The following PSPC1 variants were observed in gnomAD, a reference collection of about 807,000 sequenced individuals.
The protein encoded by PSPC1 is paraspeckle component 1.
Under a neutral mutation model 51.6 loss-of-function variants are expected in PSPC1, and 14 were observed. That is an observed-to-expected ratio of 0.27 (90% CI 0.18 to 0.42). The LOEUF is 0.42. Ranked by LOEUF, PSPC1 falls within the 10% of genes least tolerant of loss-of-function variation. PSPC1 has a pLI of 1.00. For synonymous variants in PSPC1, 193 were observed against 231.9 expected (o/e 0.83, Z 1.53); for missense variants, 406 against 701.1 (o/e 0.58, Z 4.75).
At chr13:19,710,973 G>T (rs1032382729) in intron 6 of PSPC1, among the ~76,000 whole-genome samples, 1 of 151,950 alleles carries the variant, frequency 6.6e-6, no homozygotes, top group Admixed American at 6.6e-5. Flanking sequence ...GAATAGATGG[G>T]ATGACAAGCA....
At chr13:19,761,269 T>C (rs1441339177) in intron 2 of PSPC1, among the ~76,000 whole-genome samples, 1 of 152,084 alleles carries the variant, frequency 6.6e-6, no homozygotes, top group Non-Finnish European at 1.5e-5. Flanking sequence ...ATGAAAGATA[T>C]GACTAGAGGC....
At chr13:19,699,558 T>C (rs926457331), downstream of PSPC1, among the ~76,000 whole-genome samples, 2 of 152,002 alleles carry the variant, frequency 1.3e-5, no homozygotes, top group African/African-American at 4.8e-5. Context: ...GAATGAAATG[T>C]TTCCATGCTG....
At chr13:19,719,822 T>C (rs1025062340) in intron 6 of PSPC1, among the ~76,000 whole-genome samples, 5 of 148,916 alleles carry the variant, frequency 3.4e-5, no homozygotes, top group Non-Finnish European at 7.5e-5. Flanking sequence ...GTATTTTACA[T>C]AAATTAATTG....
chr13:19,741,509 G>T, intron 5 of PSPC1, 56 bp downstream of exon 5: 1 of 1,246,166 alleles, frequency 8.0e-7, no homozygotes, highest in Non-Finnish European at 1.1e-6. Context: ...CAGGTTGTGG[G>T]GAGTTTTTAT....
In PSPC1 at chr13:19,715,356, T is replaced by C. The variant is rs115560950; in HGVS notation, c.1159-5757A>G. On this transcript the variant is annotated intron_variant, in intron 6 of 8. Coordinates refer to ENST00000338910, the MANE Select transcript of PSPC1 (RefSeq NM_001354909.2). ...CTAACAAATATTTTCCAAAGTGGCA[T>C]GGTAAACATGCCACTACTGGCACAT... Among the ~76,000 whole-genome samples, 1,374 of 152,290 alleles carry C rather than the reference T, an allele frequency of 9.0e-3. 27 individuals carry two copies. Among genetic ancestry groups the C allele is most frequent in the African/African-American group, 0.031 (1,272 of 41,552 alleles).
chr13:19,754,238 C>T (rs1886850507), intron 3 of PSPC1, among the ~76,000 whole-genome samples: 2 of 152,092 alleles, frequency 1.3e-5, no homozygotes, highest in African/African-American at 4.8e-5. Flanking sequence ...GCTCCTGCCA[C>T]CACACCCAGC....
chr13:19,676,342 G>A (rs1426730361), intron 7 of PSPC1, among the ~76,000 whole-genome samples: 1 of 152,182 alleles, frequency 6.6e-6, no homozygotes, highest in Non-Finnish European at 1.5e-5. Flanking sequence ...GCTTGAGAAT[G>A]TGCATTCTGA....
At chr13:19,757,953 G>A (rs571881358) in intron 3 of PSPC1, among the ~76,000 whole-genome samples, 7 of 152,180 alleles carry the variant, frequency 4.6e-5, no homozygotes, top group South Asian at 2.1e-4. Context: ...GCTATTCTAG[G>A]ACTTTTATTT....
At position 19,710,947 on chromosome 13, in the gene PSPC1, C is replaced by T. The variant is rs182696413; in HGVS notation, c.1159-1348G>A. Among the ~76,000 whole-genome samples the T allele has an allele frequency of 9.7e-4, 147 of 152,156 alleles. 3 individuals are homozygous for T. The East Asian group carries it at 0.025, about 26-fold the overall frequency. ...CGAACTCCTGGGCTCAAGTGATCCT[C>T]CTGCCTCAGCTTCCCGAATAGATGG... is the stretch of plus-strand genomic sequence containing the variant. On this transcript the variant is annotated intron_variant, in intron 6 of 8. Coordinates refer to ENST00000338910, the MANE Select transcript of PSPC1 (RefSeq NM_001354909.2).
intron 6 of PSPC1, among the ~76,000 whole-genome samples, chr13:19,725,680 T>C: frequency 6.6e-6 from 1 of 152,196 alleles, no homozygotes; most frequent in East Asian, 1.9e-4. Flanking sequence ...TGGTCTGTTC[T>C]AGTCTGTCAA....
Position 19,781,114 on chromosome 13 carries a change from C to T in PSPC1, c.372+1272G>A, listed in dbSNP as rs137883241. Among the ~76,000 whole-genome samples, 633 of 148,666 alleles carry T rather than the reference C, an allele frequency of 4.3e-3. 5 individuals are homozygous for T. Among genetic ancestry groups the T allele is most frequent in the African/African-American group, 0.015 (617 of 40,068 alleles). Reference sequence around the variant, plus strand: ...GGAACTGAGATCGCGCCACTGCACTCTAGCCTGGGTGATAGAGCGAGACCC... The same window carrying T: ...GGAACTGAGATCGCGCCACTGCACTTTAGCCTGGGTGATAGAGCGAGACCC... On this transcript the variant is annotated intron_variant, in intron 1 of 8. Transcript: ENST00000338910.
At chr13:19,739,730 C>T (rs985556195) in intron 5 of PSPC1, among the ~76,000 whole-genome samples, 4 of 151,246 alleles carry the variant, frequency 2.6e-5, no homozygotes, top group East Asian at 1.9e-4. Context: ...GCAGCAAGAG[C>T]GAAACTCCGT....
chr13:19,778,208 C>T (rs893698215), intron 1 of PSPC1, among the ~76,000 whole-genome samples: 7 of 151,472 alleles, frequency 4.6e-5, no homozygotes, highest in African/African-American at 1.5e-4. Context: ...CGCCACTGCA[C>T]TCCAACGTGG....
At chr13:19,717,705 CAAAAA>C (rs780984201) in intron 6 of PSPC1, among the ~76,000 whole-genome samples, 2 of 72,260 alleles carry the variant, frequency 2.8e-5, no homozygotes, top group African/African-American at 5.1e-5. Flanking sequence ...GACTCTGTCT[CAAAAA>C]AAAAAAAAAA....
downstream of PSPC1, among the ~76,000 whole-genome samples, chr13:19,699,182 T>C (rs940375482): frequency 2.6e-5 from 4 of 151,900 alleles, no homozygotes; most frequent in Non-Finnish European, 5.9e-5. Context: ...TAGAAGACAC[T>C]ACTTTTGATA....
intron 4 of PSPC1, among the ~76,000 whole-genome samples, chr13:19,742,260 C>CAAAAA (rs36104148): frequency 1.7e-5 from 2 of 119,158 alleles, no homozygotes; most frequent in African/African-American, 3.5e-5. Context: ...GACTCAATCT[C>CAAAAA]AAAAAAAAAA....
downstream of PSPC1, chr13:19,671,912 C>T (rs766090704): frequency 2.5e-5 from 40 of 1,600,060 alleles, no homozygotes; most frequent in Middle Eastern, 1.6e-4. Flanking sequence ...CTCTTCAGAC[C>T]GATTCCTATA....
At chr13:19,714,556 C>T (rs1372964197) in intron 6 of PSPC1, among the ~76,000 whole-genome samples, 9 of 149,026 alleles carry the variant, frequency 6.0e-5, no homozygotes, top group East Asian at 4.0e-4. Flanking sequence ...GGTGCAATGG[C>T]GTGATCTCAA....
chr13:19,691,774 C>T (rs1434075724), intron 6 of PSPC1, among the ~76,000 whole-genome samples: 1 of 151,994 alleles, frequency 6.6e-6, no homozygotes, highest in Admixed American at 6.6e-5. Flanking sequence ...AAATATCAGC[C>T]GGGGATGGTG....
Sources: gnomAD v4.1 joint callset for allele counts (sites outside exome capture counted in the v4.1 genomes callset) on GRCh38, gnomAD v4.1.1 for gene constraint, MANE v1.5 for transcripts, NCBI Gene and HGNC (gene_info 2026-07-23, HGNC 2026-07-21) for gene names.